The following PCTP variants were observed in gnomAD, a reference collection of about 807,000 sequenced individuals.
PCTP encodes the protein phosphatidylcholine transfer protein, also known as START domain-containing protein 2.
PCTP carries 27 observed loss-of-function variants against 31.0 expected under a neutral mutation model. That is an observed-to-expected ratio of 0.87 (90% confidence interval 0.64 to 1.20). The LOEUF (loss-of-function observed/expected upper bound fraction) is 1.20, where lower values mean the gene tolerates loss of function less well. Among genes scored for constraint, PCTP ranks in the 50% most tolerant of loss-of-function variants. The pLI is 0.00. For synonymous variants in PCTP, 108 were observed against 101.2 expected (o/e 1.07, Z -0.40); for missense variants, 287 against 268.2 (o/e 1.07, Z -0.49).
At chr17:55,821,710 G>A (rs1330090112) in intron 3 of PCTP, among the ~76,000 whole-genome samples, 1 of 152,056 alleles carries the variant, frequency 6.6e-6, no homozygotes, top group Non-Finnish European at 1.5e-5. Flanking sequence ...AATTGCCCAA[G>A]GTCACAAAAC....
intron 1 of PCTP, 101 bp from the exon 2 acceptor site, chr17:55,767,233 GT>G: frequency 1.7e-6 from 1 of 588,972 alleles, no homozygotes. Context: ...TCTGATGGTA[GT>G]TTCTTTTGCT....
downstream of PCTP, among the ~76,000 whole-genome samples, chr17:55,827,452 G>C (rs528898482): frequency 6.6e-6 from 1 of 152,226 alleles, no homozygotes; most frequent in Non-Finnish European, 1.5e-5. Context: ...ACAGAAACAA[G>C]AATGCTCAGC....
At chr17:55,810,580 C>A (rs1912719349) in intron 3 of PCTP, among the ~76,000 whole-genome samples, 1 of 152,192 alleles carries the variant, frequency 6.6e-6, no homozygotes, top group Non-Finnish European at 1.5e-5. Context: ...AGGAGTGAAC[C>A]TCATCTACTC....
the PCTP span, among the ~76,000 whole-genome samples, chr17:55,851,882 A>G: frequency 1.3e-5 from 2 of 152,212 alleles, no homozygotes; most frequent in East Asian, 1.9e-4. Flanking sequence ...AAATCACTGT[A>G]TGTACTATCT....
intron 3 of PCTP, among the ~76,000 whole-genome samples, chr17:55,819,116 A>T (rs1207008720): frequency 1.3e-5 from 2 of 151,800 alleles, no homozygotes; most frequent in African/African-American, 4.8e-5. Context: ...CCCCTTCATG[A>T]TAGAAAACAC....
In PCTP at chr17:55,775,294, T is replaced by C. The variant is rs997392941; in HGVS notation, c.579+435T>C. ...TTGTTGTTGTTGCCCTTTTTTTTTT[T>C]TCTTTTTCTCTATAAGGGAGGGAAC... On this transcript the variant is annotated intron_variant, in intron 5 of 5. Transcript: ENST00000268896. 1.1e-5 allele frequency: 14 copies of C among 1,236,218 alleles called. No individual in the cohort carries two copies. In the Admixed American group the frequency reaches 2.5e-4, roughly 22 times the overall value. 76.6% of individuals were successfully genotyped at this position (1,236,218 alleles called of 1,614,324 possible).
intron 3 of PCTP, among the ~76,000 whole-genome samples, chr17:55,814,383 G>T (rs570346972): frequency 1.3e-5 from 2 of 152,314 alleles, no homozygotes; most frequent in East Asian, 3.9e-4. Flanking sequence ...GGAGAACCAA[G>T]GTGAAAAAAT....
At chr17:55,819,010 C>CGAAAAAAAAA (rs1913022345) in intron 3 of PCTP, among the ~76,000 whole-genome samples, 1 of 51,110 alleles carries the variant, frequency 2.0e-5, no homozygotes, top group Non-Finnish European at 3.7e-5. Flanking sequence ...GGAAAGAAAT[C>CGAAAAAAAAA]AAAAAAAAAA....
intron 1 of PCTP, among the ~76,000 whole-genome samples, chr17:55,761,558 A>G (rs1354648632): frequency 6.8e-6 from 1 of 147,986 alleles, no homozygotes; most frequent in Non-Finnish European, 1.5e-5. Flanking sequence ...TATAAAATAT[A>G]TAATATATAA....
At chr17:55,805,375 T>C (rs1912541268) in intron 3 of PCTP, among the ~76,000 whole-genome samples, 2 of 152,078 alleles carry the variant, frequency 1.3e-5, no homozygotes, top group African/African-American at 2.4e-5. Flanking sequence ...TTCCCCCATT[T>C]TGTAGTCCCC....
downstream of PCTP, among the ~76,000 whole-genome samples, chr17:55,780,613 AC>A (rs1911529888): frequency 6.6e-6 from 1 of 152,326 alleles, no homozygotes; most frequent in Non-Finnish European, 1.5e-5. Context: ...TTAGCAATGG[AC>A]CTGGCATGAC....
At chr17:55,769,280 G>T (rs1211958106) in intron 2 of PCTP, 1 of 152,240 alleles carries the variant, frequency 6.6e-6, no homozygotes, top group African/African-American at 2.4e-5. Context: ...ATTTTCTGTG[G>T]ACATTCATCA....
intron 3 of PCTP, among the ~76,000 whole-genome samples, chr17:55,810,918 G>C (rs1216600718): frequency 1.3e-5 from 2 of 152,188 alleles, no homozygotes; most frequent in African/African-American, 4.8e-5. Flanking sequence ...GGCAGTTTAA[G>C]CCATCTTAAA....
chr17:55,844,806 T>C (rs367608760), downstream of PCTP, among the ~76,000 whole-genome samples: 283 of 152,066 alleles, frequency 1.9e-3, no homozygotes, highest in African/African-American at 6.5e-3. Context: ...TAACAATATA[T>C]AGACCAGGCG....
At chr17:55,759,338 C>A (rs1005154152) in intron 1 of PCTP, among the ~76,000 whole-genome samples, 2 of 152,078 alleles carry the variant, frequency 1.3e-5, no homozygotes, top group African/African-American at 4.8e-5. Context: ...ATTGTTTTAC[C>A]TAGCTGTGTG....
intron 1 of PCTP, among the ~76,000 whole-genome samples, chr17:55,757,317 G>A (rs777590130): frequency 7.9e-5 from 12 of 150,972 alleles, no homozygotes; most frequent in Middle Eastern, 3.2e-3. Context: ...CACACTCAAT[G>A]CATGCTCAAG....
At chr17:55,757,538 T>C (rs1380844379) in intron 1 of PCTP, among the ~76,000 whole-genome samples, 1 of 113,176 alleles carries the variant, frequency 8.8e-6, no homozygotes, top group Non-Finnish European at 2.0e-5. Flanking sequence ...ATATAGTATA[T>C]ATGAATATAT....
At chr17:55,765,532 A>G (rs1472496909) in intron 1 of PCTP, among the ~76,000 whole-genome samples, 1 of 152,208 alleles carries the variant, frequency 6.6e-6, no homozygotes, top group Admixed American at 6.5e-5. Flanking sequence ...ACTCCTCGCC[A>G]TCACTGTTGT....
chr17:55,844,784 A>T (rs1906091149), downstream of PCTP, among the ~76,000 whole-genome samples: 1 of 152,112 alleles, frequency 6.6e-6, no homozygotes, highest in Non-Finnish European at 1.5e-5. Context: ...CAGGGTTGTT[A>T]TAAAGGTTAA....
Sources: allele counts gnomAD v4.1 joint callset (sites outside exome capture counted in the v4.1 genomes callset), GRCh38; gene constraint gnomAD v4.1.1; transcripts MANE v1.5; gene names NCBI Gene and HGNC (gene_info 2026-07-23, HGNC 2026-07-21).